Variants in LEF1 observed in about 807,000 individuals in gnomAD.
The protein encoded by LEF1 is lymphoid enhancer-binding factor 1.
In LEF1, 14 loss-of-function variants were observed where a neutral mutation model predicts 51.2. The observed-to-expected ratio is 0.27, with a 90% CI of 0.18 to 0.43. LEF1 has a LOEUF of 0.43. Ranked by LOEUF, LEF1 falls within the 20% of genes least tolerant of loss-of-function variation. The pLI, the probability that LEF1 is intolerant of heterozygous loss-of-function variation, is 1.00. For missense variants in LEF1, 386 were observed against 512.0 expected (o/e 0.75, Z 2.37); for synonymous variants, 185 against 183.2 (o/e 1.01, Z -0.08).
chr4:108,050,363 T>A (rs561326762), intron 11 of LEF1, among the ~76,000 whole-genome samples: 4 of 152,104 alleles, frequency 2.6e-5, no homozygotes, highest in Non-Finnish European at 5.9e-5. Flanking sequence ...TGCAGGGTGC[T>A]CTAGATTGGA....
At chr4:108,147,802 G>C (rs1744091348) in intron 3 of LEF1, among the ~76,000 whole-genome samples, 1 of 152,114 alleles carries the variant, frequency 6.6e-6, no homozygotes, top group Non-Finnish European at 1.5e-5. Flanking sequence ...TTTTTTTAAA[G>C]TACTTGTGAG....
chr4:108,147,474 G>A (rs1180767274), intron 3 of LEF1, among the ~76,000 whole-genome samples: 2 of 151,950 alleles, frequency 1.3e-5, no homozygotes, highest in African/African-American at 4.8e-5. Flanking sequence ...CTTATACCCA[G>A]CCATCTTAGG....
At chr4:108,057,583 C>T (rs1483146799) in intron 11 of LEF1, among the ~76,000 whole-genome samples, 2 of 152,192 alleles carry the variant, frequency 1.3e-5, no homozygotes, top group East Asian at 3.9e-4. Flanking sequence ...TTGCAGTCCT[C>T]TCACTGGTGC....
chr4:108,118,335 G>A (rs13148063), intron 3 of LEF1, among the ~76,000 whole-genome samples: 1 of 152,154 alleles, frequency 6.6e-6, no homozygotes, highest in Non-Finnish European at 1.5e-5. Context: ...GCTAAACAGT[G>A]ACATAAAAAT....
intron 5 of LEF1, chr4:108,083,114 T>C: frequency 7.8e-6 from 4 of 511,884 alleles, no homozygotes; most frequent in Non-Finnish European, 1.4e-5. Context: ...CATAAAACTA[T>C]AAGCTTCAAA....
At chr4:108,104,334 C>T (rs1310250670) in intron 3 of LEF1, among the ~76,000 whole-genome samples, 1 of 151,132 alleles carries the variant, frequency 6.6e-6, no homozygotes, top group Non-Finnish European at 1.5e-5. Context: ...GATAGTTGTA[C>T]AACATAGTGA....
intron 9 of LEF1, among the ~76,000 whole-genome samples, chr4:108,067,616 T>C (rs1738163977): frequency 6.6e-6 from 1 of 151,778 alleles, no homozygotes; most frequent in Non-Finnish European, 1.5e-5. Context: ...TGCAACCTCT[T>C]CCTCTCGGGT....
chr4:108,059,812 A>G (rs1578290014), intron 11 of LEF1, among the ~76,000 whole-genome samples: 1 of 152,190 alleles, frequency 6.6e-6, no homozygotes, highest in South Asian at 2.1e-4. Context: ...AATAGATCCA[A>G]CCACCTCAGC....
intron 3 of LEF1, among the ~76,000 whole-genome samples, chr4:108,090,575 T>C (rs913316323): frequency 6.6e-6 from 1 of 152,168 alleles, no homozygotes; most frequent in Non-Finnish European, 1.5e-5. Context: ...TTATTTATTT[T>C]TTATTGATAT....
At chr4:108,119,164 A>T (rs1171024492) in intron 3 of LEF1, among the ~76,000 whole-genome samples, 1 of 148,622 alleles carries the variant, frequency 6.7e-6, no homozygotes, top group Non-Finnish European at 1.5e-5. Context: ...TAACTCCCAC[A>T]TACGAGATAA....
At chr4:108,165,425 G>A (rs916565574) in intron 1 of LEF1, among the ~76,000 whole-genome samples, 5 of 152,160 alleles carry the variant, frequency 3.3e-5, no homozygotes, top group African/African-American at 1.2e-4. Context: ...TTAAATTTGG[G>A]AATGATCCAC....
At chr4:108,087,121 AAGAGATCT>A (rs1739704134) in intron 4 of LEF1, among the ~76,000 whole-genome samples, 1 of 152,180 alleles carries the variant, frequency 6.6e-6, no homozygotes, top group Non-Finnish European at 1.5e-5. Flanking sequence ...AATTAAAAGG[AAGAGATCT>A]AGTAAGCTTA....
At chr4:108,165,371 G>A in intron 1 of LEF1, 11 of 505,914 alleles carry the variant, frequency 2.2e-5, no homozygotes, top group South Asian at 1.1e-4. Flanking sequence ...TATCCACCCG[G>A]GACCAAAAAC....
chr4:108,086,043 G>A (rs1466545181), intron 4 of LEF1, among the ~76,000 whole-genome samples: 1 of 152,132 alleles, frequency 6.6e-6, no homozygotes, highest in African/African-American at 2.4e-5. Flanking sequence ...CATATGCTGG[G>A]TCAATATTAT....
At chr4:108,087,023 G>A (rs1474797252) in intron 4 of LEF1, among the ~76,000 whole-genome samples, 1 of 152,148 alleles carries the variant, frequency 6.6e-6, no homozygotes, top group Non-Finnish European at 1.5e-5. Flanking sequence ...GGGGTTGGGG[G>A]AAGATACAGC....
chr4:108,134,166 C>CA (rs11369216), intron 3 of LEF1, among the ~76,000 whole-genome samples: 116,201 of 146,906 alleles, frequency 0.79, 46,102 homozygotes, highest in East Asian at 0.96. Context: ...CCAAATTTAC[C>CA]AAAAAAAAAA....
At chr4:108,131,860 G>GT (rs1370007663) in intron 3 of LEF1, among the ~76,000 whole-genome samples, 2 of 152,192 alleles carry the variant, frequency 1.3e-5, no homozygotes, top group Non-Finnish European at 2.9e-5. Flanking sequence ...TGATATAACA[G>GT]TGAGTTCAAT....
chr4:108,091,766 T>A (rs569919850), intron 3 of LEF1, among the ~76,000 whole-genome samples: 2 of 152,210 alleles, frequency 1.3e-5, no homozygotes, highest in Non-Finnish European at 2.9e-5. Flanking sequence ...TTTAGAATGC[T>A]AGAAGTGGGG....
chr4:108,113,190 A>C (rs570084145), intron 3 of LEF1, among the ~76,000 whole-genome samples: 1 of 152,344 alleles, frequency 6.6e-6, no homozygotes, highest in Non-Finnish European at 1.5e-5. Context: ...TTGCCAGTAA[A>C]TCTATTCAGA....
Sources: allele counts gnomAD v4.1 joint callset (sites outside exome capture counted in the v4.1 genomes callset), GRCh38; gene constraint gnomAD v4.1.1; transcripts MANE v1.5; gene names NCBI Gene and HGNC (gene_info 2026-07-23, HGNC 2026-07-21).